The following CHD7 variants were observed in gnomAD, a reference collection of about 807,000 sequenced individuals.
CHD7 encodes ATP-dependent chromatin remodeler CHD7.
In CHD7, 24 loss-of-function variants were observed where a neutral mutation model predicts 307.3. The ratio of observed to expected loss-of-function variants is 0.08; its 90% CI spans 0.06 to 0.11. CHD7 has a LOEUF of 0.11. Ranked by LOEUF, CHD7 falls within the 10% of genes least tolerant of loss-of-function variation. The probability of loss-of-function intolerance (pLI) is 1.00; values close to 1 mark genes in which losing one functional copy is unlikely to be tolerated. For missense variants in CHD7, 3,106 were observed against 3,727.1 expected (o/e 0.83, Z 4.34); for synonymous variants, 1,363 against 1,349.9 (o/e 1.01, Z -0.21).
chr8:60,685,541 C>T (rs978291355), intron 1 of CHD7, among the ~76,000 whole-genome samples: 7 of 152,080 alleles, frequency 4.6e-5, no homozygotes, highest in African/African-American at 1.4e-4. Flanking sequence ...CCCATGTTCT[C>T]GGGGCTGCAG....
In CHD7 at chr8:60,795,077, A is replaced by G; in HGVS notation, c.2188A>G (p.Thr730Ala). 6.2e-7 allele frequency: 1 copy of G among 1,613,808 alleles called. No individual in the cohort carries two copies. The highest frequency in any genetic ancestry group is 1.3e-5 in the African/African-American group (1 of 75,016). The part of the protein sequence containing the change: ...EGSENSDLDK[T>A]PPPSPPPEED... ...TTCTGAAAATTCAGACTTAGACAAAACACCCCCACCATCTCCTCCTCCTGA... is the reference window on the plus strand; with the variant it reads ...TTCTGAAAATTCAGACTTAGACAAAGCACCCCCACCATCTCCTCCTCCTGA... The change falls in exon 4 of 38, where the codon ACA (threonine) becomes GCA (alanine). Residue 730 changes from threonine (T) to alanine (A), a missense_variant. Around this residue, in one of 10 missense-constraint regions of CHD7, gnomAD observed 998 missense variants for 1,004.5 expected, o/e 0.99. Coordinates refer to ENST00000423902, the MANE Select transcript of CHD7 (RefSeq NM_017780.4).
At chr8:60,756,427 A>C (rs1809894271) in intron 2 of CHD7, among the ~76,000 whole-genome samples, 1 of 152,230 alleles carries the variant, frequency 6.6e-6, no homozygotes, top group African/African-American at 2.4e-5. Flanking sequence ...TATTGTTTTA[A>C]CTAATGCAAG....
chr8:60,702,747 A>C (rs1806825279), intron 1 of CHD7, among the ~76,000 whole-genome samples: 1 of 152,220 alleles, frequency 6.6e-6, no homozygotes, highest in Non-Finnish European at 1.5e-5. Context: ...ACTACACTGA[A>C]ACTTGGTGGC....
chr8:60,727,140 AT>A (rs1808203914), intron 1 of CHD7, among the ~76,000 whole-genome samples: 1 of 151,988 alleles, frequency 6.6e-6, no homozygotes, highest in South Asian at 2.1e-4. Context: ...TTATTTATTT[AT>A]TTTGAGACAG....
intron 18 of CHD7, 111 bp downstream of exon 18, chr8:60,837,946 T>C: frequency 7.8e-7 from 1 of 1,277,264 alleles, no homozygotes; most frequent in Non-Finnish European, 1.1e-6. Context: ...ATATTTTAAG[T>C]GTATTTTGTA....
At position 60,755,204 on chromosome 8, in the gene CHD7, A is replaced by G. The variant is rs1217461969; in HGVS notation, c.1665+12107A>G. 3.3e-5 allele frequency among the ~76,000 whole-genome samples: 5 copies of G among 152,218 alleles called. No homozygotes were observed. The East Asian group carries it at 9.6e-4, about 29-fold the overall frequency. ...AGTGTGGAAGACACAAAAGAATTGAAAGGTTGGCTGCAGTGTAATTTAGTA... is the reference window on the plus strand; with the variant it reads ...AGTGTGGAAGACACAAAAGAATTGAGAGGTTGGCTGCAGTGTAATTTAGTA... On this transcript the variant is annotated intron_variant, in intron 2 of 37. Transcript: ENST00000423902.
At chr8:60,686,631 CCA>C (rs1449316919) in intron 1 of CHD7, among the ~76,000 whole-genome samples, 1 of 152,158 alleles carries the variant, frequency 6.6e-6, no homozygotes, top group African/African-American at 2.4e-5. Flanking sequence ...GGGCAAATAG[CCA>C]TCTGCTGCTG....
intron 1 of CHD7, among the ~76,000 whole-genome samples, chr8:60,707,653 G>C (rs2150518552): frequency 6.6e-6 from 1 of 152,276 alleles, no homozygotes; most frequent in Admixed American, 6.5e-5. Context: ...ATAGCATCAA[G>C]TCCAATCTGA....
At chr8:60,726,628 G>A (rs929367576) in intron 1 of CHD7, among the ~76,000 whole-genome samples, 1 of 152,174 alleles carries the variant, frequency 6.6e-6, no homozygotes, top group Non-Finnish European at 1.5e-5. Context: ...AAGGTAGGTG[G>A]TATCGTATGT....
At chr8:60,835,967 G>A in intron 15 of CHD7, 106 bp from the exon 16 acceptor site, 1 of 750,016 alleles carries the variant, frequency 1.3e-6, no homozygotes, top group Non-Finnish European at 2.2e-6. Flanking sequence ...GCAGGAGTTT[G>A]GTGTTCTGGT....
Position 60,781,172 on chromosome 8 carries a change from A to C in CHD7, c.1838A>C (p.Lys613Thr). Residue 613 changes from lysine to threonine, a missense_variant, in exon 3 of 38, where the codon AAA becomes ACA. Lys to Thr is a moderately conservative substitution (Grantham distance 78). Transcript: ENST00000423902. Reference sequence around the variant, plus strand: ...CACATTGTAGCAGAGGATCCCAGTAAAGGTTTTGGTAAAGATGACTTCCCT... The same window carrying C: ...CACATTGTAGCAGAGGATCCCAGTACAGGTTTTGGTAAAGATGACTTCCCT... ...NNHIVAEDPS[K>T]GFGKDDFPGG... is the part of the protein sequence containing the mutation. The C allele has an allele frequency of 2.5e-6, 4 of 1,607,052 alleles. No homozygotes were observed. Among genetic ancestry groups the C allele is most frequent in the Non-Finnish European group, 3.4e-6 (4 of 1,176,600 alleles).
intron 8 of CHD7, among the ~76,000 whole-genome samples, chr8:60,817,118 T>C (rs1248239996): frequency 6.6e-6 from 1 of 152,198 alleles, no homozygotes; most frequent in Admixed American, 6.5e-5. Flanking sequence ...GTCAATTACA[T>C]TTTTTAAAAA....
chr8:60,835,990 C>A (rs779506462), intron 15 of CHD7, 83 bp from the exon 16 acceptor site: 2 of 983,862 alleles, frequency 2.0e-6, no homozygotes, highest in Non-Finnish European at 3.1e-6. Context: ...CTACAGTTTG[C>A]AATGGGTTTT....
chr8:60,719,743 A>C (rs1586211538), intron 1 of CHD7, among the ~76,000 whole-genome samples: 1 of 152,204 alleles, frequency 6.6e-6, no homozygotes, highest in African/African-American at 2.4e-5. Flanking sequence ...CAGAGAGTCC[A>C]TTGTGAGATG....
intron 1 of CHD7, among the ~76,000 whole-genome samples, chr8:60,697,923 T>C (rs922068167): frequency 6.6e-6 from 1 of 152,240 alleles, no homozygotes; most frequent in Non-Finnish European, 1.5e-5. Context: ...TGTTTGAACA[T>C]GACCCTCCTC....
intron 13 of CHD7, among the ~76,000 whole-genome samples, chr8:60,827,380 G>T (rs1420427379): frequency 6.6e-6 from 1 of 151,982 alleles, no homozygotes; most frequent in Non-Finnish European, 1.5e-5. Flanking sequence ...CGTAATAAAG[G>T]ATATGAAAAA....
chr8:60,764,774 A>T (rs975461174), intron 2 of CHD7, among the ~76,000 whole-genome samples: 1 of 152,238 alleles, frequency 6.6e-6, no homozygotes, highest in Non-Finnish European at 1.5e-5. Flanking sequence ...GCAGACTTGT[A>T]TGGGAGAAGA....
intron 1 of CHD7, among the ~76,000 whole-genome samples, chr8:60,739,199 C>T (rs1047820754): frequency 2.0e-5 from 3 of 152,092 alleles, no homozygotes; most frequent in Non-Finnish European, 4.4e-5. Context: ...TAACAGTTGG[C>T]GGACCCTGGA....
rs986111242 is a variant in CHD7, at chr8:60,867,492, T to C, written c.*1559T>C. ...CCTTTTTGACCTTTGGTATTTAAAGTAAAATATAATTTGAGATCTACTGTT... is the reference window on the plus strand; with the variant it reads ...CCTTTTTGACCTTTGGTATTTAAAGCAAAATATAATTTGAGATCTACTGTT... On this transcript the variant is annotated 3_prime_UTR_variant, in exon 38 of 38. Transcript: ENST00000423902. 6.6e-6 allele frequency: 1 copy of C among 152,236 alleles called. No homozygotes were observed. The highest frequency in any genetic ancestry group is 6.5e-5 in the Admixed American group (1 of 15,284). The allele number at this position is 152,236 out of a possible 1,614,324, so 9.4% of individuals were successfully genotyped here.
Sources: gnomAD v4.1 joint callset for allele counts (sites outside exome capture counted in the v4.1 genomes callset) on GRCh38, gnomAD v4.1.1 for gene constraint, gnomAD v4.1.1 regional missense constraint, MANE v1.5 for transcripts, NCBI Gene and HGNC (gene_info 2026-07-23, HGNC 2026-07-21) for gene names.